Variants in PRPF18 observed in about 807,000 individuals in gnomAD.
PRPF18 encodes pre-mRNA-splicing factor 18.
Under a neutral mutation model 46.5 loss-of-function variants are expected in PRPF18, and 38 were observed. The observed-to-expected ratio is 0.82, with a 90% CI of 0.63 to 1.07. The LOEUF (loss-of-function observed/expected upper bound fraction) is 1.07. Among genes scored for constraint, PRPF18 ranks in the 50% least tolerant of loss-of-function variants. PRPF18 has a pLI of 0.00. For missense variants in PRPF18, 263 were observed against 410.0 expected (o/e 0.64, Z 3.10); for synonymous variants, 152 against 146.7 (o/e 1.04, Z -0.26).
intron 5 of PRPF18, 70 bp from the exon 6 acceptor site, chr10:13,611,545 G>C: frequency 8.2e-7 from 1 of 1,226,712 alleles, no homozygotes; most frequent in South Asian, 1.2e-5. Flanking sequence ...GTTTAGACTG[G>C]TGTTGGTAAT....
chr10:13,609,688 G>A (rs2080243631), intron 4 of PRPF18, among the ~76,000 whole-genome samples: 3 of 152,180 alleles, frequency 2.0e-5, no homozygotes, highest in Admixed American at 6.5e-5. Flanking sequence ...CTGGGCAAAC[G>A]GGTTGGGGAC....
the PRPF18 span, chr10:13,646,072 T>A: frequency 6.6e-6 from 1 of 152,238 alleles, no homozygotes; most frequent in Non-Finnish European, 1.5e-5. Flanking sequence ...GGTCTCTCTT[T>A]GTGTCCAGAT....
chr10:13,654,148 G>C, the PRPF18 span: 6 of 554,784 alleles, frequency 1.1e-5, no homozygotes, highest in Non-Finnish European at 1.9e-5. Context: ...AAGAAGCACA[G>C]TCCCACTTCG....
the PRPF18 span, chr10:13,655,439 A>G: frequency 3.3e-5 from 5 of 152,198 alleles, no homozygotes; most frequent in Non-Finnish European, 7.3e-5. Context: ...TCACTGGGCT[A>G]TTTTACAGAT....
chr10:13,604,539 G>C (rs1308997675), intron 3 of PRPF18, among the ~76,000 whole-genome samples: 3 of 152,200 alleles, frequency 2.0e-5, no homozygotes, highest in Non-Finnish European at 4.4e-5. Context: ...TGAGGGAGAA[G>C]TTTTTGGTTT....
chr10:13,613,697 C>T, intron 6 of PRPF18, 44 bp from the exon 7 acceptor site: 1 of 1,589,986 alleles, frequency 6.3e-7, no homozygotes, highest in Non-Finnish European at 8.6e-7. Flanking sequence ...TGTACTGAAC[C>T]ACTGGGTGGC....
intron 9 of PRPF18, among the ~76,000 whole-genome samples, chr10:13,623,688 G>GGTT (rs2080453357): frequency 1.3e-5 from 2 of 151,466 alleles, no homozygotes; most frequent in African/African-American, 4.8e-5. Flanking sequence ...AATTGTGATT[G>GGTT]TGGTTTGGTT....
At chr10:13,608,885 C>T (rs1426582972) in intron 4 of PRPF18, among the ~76,000 whole-genome samples, 1 of 152,194 alleles carries the variant, frequency 6.6e-6, no homozygotes, top group Non-Finnish European at 1.5e-5. Context: ...AAGTCTTTTA[C>T]TCTATTTGAA....
chr10:13,618,071 A>C (rs936384239), intron 9 of PRPF18, among the ~76,000 whole-genome samples: 1 of 152,180 alleles, frequency 6.6e-6, no homozygotes, highest in African/African-American at 2.4e-5. Context: ...TAGGGACCTC[A>C]GTGCTGTCCT....
intron 9 of PRPF18, among the ~76,000 whole-genome samples, chr10:13,627,237 AT>A (rs939616681): frequency 3.3e-5 from 5 of 151,536 alleles, no homozygotes; most frequent in African/African-American, 7.3e-5. Context: ...ATCGTTGAAA[AT>A]TTTTTTTTAT....
At chr10:13,643,878 A>C in the PRPF18 span, 4 of 152,688 alleles carry the variant, frequency 2.6e-5, no homozygotes, top group African/African-American at 4.8e-5. Flanking sequence ...GTTGAACAGA[A>C]TCCAGTAAAA....
chr10:13,598,587 T>C (rs1053466061), intron 2 of PRPF18, among the ~76,000 whole-genome samples: 2 of 152,234 alleles, frequency 1.3e-5, no homozygotes, highest in African/African-American at 4.8e-5. Flanking sequence ...AATTTTAAAA[T>C]GTAATTATAT....
At position 13,610,124 on chromosome 10, in the gene PRPF18, A is replaced by G; in HGVS notation, c.449A>G (p.Glu150Gly). 1 of 1,614,072 alleles carries G rather than the reference A, an allele frequency of 6.2e-7. No homozygotes were observed. The highest frequency in any genetic ancestry group is 8.5e-7 in the Non-Finnish European group (1 of 1,179,956). Residue 150 changes from glutamate (E) to glycine (G), a missense_variant, in exon 5 of 10, where the codon GAG becomes GGG. This residue lies in a region of PRPF18 where 155 missense variants were observed against 245.1 expected (regional missense o/e 0.63). Coordinates refer to ENST00000378572, the MANE Select transcript of PRPF18 (RefSeq NM_003675.4). Reference protein sequence around the residue: ...NEIVGGQEPGEEDTQNDLKVH... With the variant: ...NEIVGGQEPGGEDTQNDLKVH... ...ATCGTCGGCGGTCAGGAGCCTGGAG[A>G]GGAAGACACACAGAATGATCTGAAA... is the stretch of plus-strand genomic sequence containing the variant.
At chr10:13,636,111 G>C in the PRPF18 span, among the ~76,000 whole-genome samples, 1 of 152,166 alleles carries the variant, frequency 6.6e-6, no homozygotes, top group Non-Finnish European at 1.5e-5. Flanking sequence ...AAAATAAATG[G>C]GAGGTCAGTT....
intron 9 of PRPF18, among the ~76,000 whole-genome samples, chr10:13,620,316 C>T (rs368218567): frequency 2.0e-4 from 30 of 152,222 alleles, no homozygotes; most frequent in South Asian, 4.2e-4. Flanking sequence ...TTTGCTGCCC[C>T]GTAGTAAATG....
chr10:13,592,084 C>T, intron 1 of PRPF18: 1 of 581,012 alleles, frequency 1.7e-6, no homozygotes. Flanking sequence ...TTTTTCTTTT[C>T]AACCTCGTAC....
At chr10:13,652,306 G>A in the PRPF18 span, 5 of 361,274 alleles carry the variant, frequency 1.4e-5, no homozygotes, top group African/African-American at 6.2e-5. Context: ...GAAATAGGCA[G>A]GTTTCAAGAC....
intron 1 of PRPF18, chr10:13,592,020 G>A: frequency 3.0e-6 from 2 of 677,634 alleles, no homozygotes; most frequent in Non-Finnish European, 5.1e-6. Flanking sequence ...AACCACCTGG[G>A]TACTACCATT....
the PRPF18 span, chr10:13,647,859 C>T: frequency 4.6e-5 from 7 of 151,078 alleles, no homozygotes; most frequent in East Asian, 3.9e-4. Context: ...GATCATGATT[C>T]GGAAAAACAG....
Sources: gnomAD v4.1 joint callset for allele counts (sites outside exome capture counted in the v4.1 genomes callset) on GRCh38, gnomAD v4.1.1 for gene constraint, gnomAD v4.1.1 regional missense constraint, MANE v1.5 for transcripts, NCBI Gene and HGNC (gene_info 2026-07-23, HGNC 2026-07-21) for gene names.